DCC: variants seen among roughly 807,000 people sequenced by gnomAD.
The protein encoded by DCC is netrin receptor DCC.
A neutral mutation model predicts 172.5 loss-of-function variants in DCC; 58 were observed. The observed-to-expected ratio is 0.34, with a 90% CI of 0.27 to 0.42. The LOEUF is 0.42. Among genes scored for constraint, DCC ranks in the 10% least tolerant of loss-of-function variants. DCC has a pLI of 1.00. For synonymous variants in DCC, 709 were observed against 644.5 expected (o/e 1.10, Z -1.52); for missense variants, 1,740 against 1,791.0 (o/e 0.97, Z 0.51).
chr18:52,754,644 C>A (rs2037051820), intron 2 of DCC, among the ~76,000 whole-genome samples: 1 of 152,190 alleles, frequency 6.6e-6, no homozygotes, highest in African/African-American at 2.4e-5. Flanking sequence ...CCTACCCAGT[C>A]CAGATACTTT....
At chr18:53,514,201 A>G (rs1052934579) in intron 27 of DCC, among the ~76,000 whole-genome samples, 2 of 152,180 alleles carry the variant, frequency 1.3e-5, no homozygotes, top group African/African-American at 4.8e-5. Context: ...CTGAATGACT[A>G]TTGGGTACAT....
chr18:52,963,152 A>C (rs1489093456), intron 5 of DCC, among the ~76,000 whole-genome samples: 1 of 151,852 alleles, frequency 6.6e-6, no homozygotes, highest in African/African-American at 2.4e-5. Context: ...TCCAGTAAAA[A>C]TTTGGAGCCA....
At chr18:53,374,535 G>T (rs1319454739) in intron 15 of DCC, among the ~76,000 whole-genome samples, 1 of 152,120 alleles carries the variant, frequency 6.6e-6, no homozygotes, top group Admixed American at 6.5e-5. Context: ...TCCTGAGCAG[G>T]CTAGTTCAAT....
chr18:53,499,191 C>T, intron 26 of DCC, 107 bp from the exon 27 acceptor site: 1 of 1,103,922 alleles, frequency 9.1e-7, no homozygotes, highest in South Asian at 1.3e-5. Flanking sequence ...AGAGACTGAC[C>T]ACATCCTATC....
chr18:53,510,678 T>A (rs2046240430), intron 27 of DCC, among the ~76,000 whole-genome samples: 1 of 152,178 alleles, frequency 6.6e-6, no homozygotes, highest in African/African-American at 2.4e-5. Flanking sequence ...CTTCAGAAAT[T>A]TTCACTTCCA....
At chr18:52,733,854 G>C (rs1415589634) in intron 1 of DCC, among the ~76,000 whole-genome samples, 1 of 152,062 alleles carries the variant, frequency 6.6e-6, no homozygotes, top group South Asian at 2.1e-4. Flanking sequence ...ACAACATTAA[G>C]ATGAGAATGA....
chr18:52,707,753 C>A (rs2036232567), intron 1 of DCC, among the ~76,000 whole-genome samples: 3 of 152,042 alleles, frequency 2.0e-5, no homozygotes, highest in Admixed American at 2.0e-4. Context: ...GGAGATAAGC[C>A]AGGGACAACA....
At chr18:52,688,118 G>T (rs2035870546) in intron 1 of DCC, among the ~76,000 whole-genome samples, 1 of 129,672 alleles carries the variant, frequency 7.7e-6, no homozygotes, top group African/African-American at 2.9e-5. Context: ...AAAATGTTCA[G>T]GGATCTTCTT....
chr18:52,828,523 T>C (rs1442359655), intron 2 of DCC, among the ~76,000 whole-genome samples: 1 of 152,058 alleles, frequency 6.6e-6, no homozygotes, highest in African/African-American at 2.4e-5. Context: ...AAGTCTCCAA[T>C]TTCAGTAGCC....
At chr18:52,528,561 T>C (rs1159945669) in intron 1 of DCC, among the ~76,000 whole-genome samples, 1 of 152,072 alleles carries the variant, frequency 6.6e-6, no homozygotes, top group Non-Finnish European at 1.5e-5. Context: ...CCTCAGGAAC[T>C]GGGCAGACAG....
chr18:52,867,291 T>C (rs963251544), intron 2 of DCC, among the ~76,000 whole-genome samples: 6 of 152,214 alleles, frequency 3.9e-5, no homozygotes, highest in African/African-American at 1.4e-4. Context: ...CAGTATTTTA[T>C]TGAGGATTTT....
At chr18:52,595,160 C>G (rs911436804) in intron 1 of DCC, among the ~76,000 whole-genome samples, 1 of 152,140 alleles carries the variant, frequency 6.6e-6, no homozygotes, top group East Asian at 1.9e-4. Flanking sequence ...GAAGGATGAG[C>G]AAATTAAAGC....
intron 5 of DCC, among the ~76,000 whole-genome samples, chr18:52,931,050 A>T (rs903771089): frequency 3.3e-5 from 5 of 151,960 alleles, no homozygotes; most frequent in African/African-American, 9.7e-5. Context: ...GTAATTGGAC[A>T]TATTTTAAAG....
At chr18:52,926,821 A>G (rs1254930096) in intron 5 of DCC, among the ~76,000 whole-genome samples, 1 of 123,920 alleles carries the variant, frequency 8.1e-6, no homozygotes, top group Non-Finnish European at 1.7e-5. Context: ...GTGTGTGTAT[A>G]TATACATATA....
At chr18:52,765,023 C>CTTT (rs963400763) in intron 2 of DCC, among the ~76,000 whole-genome samples, 1 of 142,364 alleles carries the variant, frequency 7.0e-6, no homozygotes, top group East Asian at 2.0e-4. Context: ...ATTTTCTTTT[C>CTTT]TTTTTTTTCT....
chr18:53,330,734 A>G (rs1324106243), intron 14 of DCC, among the ~76,000 whole-genome samples: 1 of 152,032 alleles, frequency 6.6e-6, no homozygotes, highest in Non-Finnish European at 1.5e-5. Flanking sequence ...CAAGCTCTTT[A>G]CCCAAGTGTA....
chr18:52,924,720 G>A (rs760520942), intron 4 of DCC, among the ~76,000 whole-genome samples: 4 of 151,842 alleles, frequency 2.6e-5, no homozygotes, highest in South Asian at 2.1e-4. Context: ...TAACAACAAG[G>A]CATGGCATAT....
At chr18:53,381,560 A>ACCCCCC (rs747015453) in intron 15 of DCC, among the ~76,000 whole-genome samples, 33 of 93,582 alleles carry the variant, frequency 3.5e-4, no homozygotes, top group African/African-American at 5.0e-4. Flanking sequence ...TTTACCCCCC[A>ACCCCCC]CCCCCCCCCC....
In DCC at chr18:52,474,256, C is replaced by A. The variant is rs988134854; in HGVS notation, c.91+133378C>A. Among the ~76,000 whole-genome samples, 20 of 135,810 alleles carry A rather than the reference C, an allele frequency of 1.5e-4. 1 individual carries two copies. The South Asian group carries it at 4.7e-3, about 32-fold the overall frequency. The allele number at this position is 135,810 out of a possible 152,430, so 89.1% of individuals were successfully genotyped here. A position where few individuals can be genotyped will look rare whatever the true frequency, so the allele number is the denominator to read the frequency against. On this transcript the variant is annotated intron_variant, in intron 1 of 28. Coordinates refer to ENST00000442544, the MANE Select transcript of DCC (RefSeq NM_005215.4). Reference sequence around the variant, plus strand: ...AGAGAGAGAGAGAAAGAGAGAGAAGCAATTCATACACCATTACCACACTGG... The same window carrying A: ...AGAGAGAGAGAGAAAGAGAGAGAAGAAATTCATACACCATTACCACACTGG...
Sources: allele counts gnomAD v4.1 joint callset (sites outside exome capture counted in the v4.1 genomes callset), GRCh38; gene constraint gnomAD v4.1.1; transcripts MANE v1.5; gene names NCBI Gene and HGNC (gene_info 2026-07-23, HGNC 2026-07-21).